Variants in PRKG1 observed in about 807,000 individuals in gnomAD.
PRKG1 encodes cGMP-dependent protein kinase 1.
In PRKG1, 35 loss-of-function variants were observed where a neutral mutation model predicts 88.1. The ratio of observed to expected loss-of-function variants is 0.40; its 90% confidence interval spans 0.30 to 0.53. The LOEUF is 0.53. Ranked by LOEUF, PRKG1 falls within the 20% of genes least tolerant of loss-of-function variation. The pLI is 0.59. For synonymous variants in PRKG1, 303 were observed against 292.5 expected, an observed-to-expected ratio of 1.04 and a Z score of -0.37; for missense variants, 540 against 839.8, an observed-to-expected ratio of 0.64 and a Z score of 4.41.
At chr10:52,166,185 G>A (rs2132697225) in intron 9 of PRKG1, among the ~76,000 whole-genome samples, 1 of 152,108 alleles carries the variant, frequency 6.6e-6, no homozygotes, top group South Asian at 2.1e-4. Context: ...CAGGTGTGGT[G>A]AGAGGTACAT....
At chr10:51,854,508 A>C (rs530961304) in intron 4 of PRKG1, among the ~76,000 whole-genome samples, 1 of 152,298 alleles carries the variant, frequency 6.6e-6, no homozygotes, top group Admixed American at 6.5e-5. Flanking sequence ...GGTAACATAA[A>C]TTATGTACTG....
At chr10:51,619,464 T>G (rs1839152316) in intron 3 of PRKG1, among the ~76,000 whole-genome samples, 1 of 152,122 alleles carries the variant, frequency 6.6e-6, no homozygotes. Flanking sequence ...GTTTTGAAGG[T>G]TCTCTGCCAA....
chr10:51,299,454 C>T, intron 2 of PRKG1: 1 of 439,162 alleles, frequency 2.3e-6, no homozygotes, highest in South Asian at 1.6e-5. Context: ...GATCCACCCA[C>T]CTCGGCCTCC....
At chr10:51,051,474 TC>T (rs1434874207) in intron 1 of PRKG1, among the ~76,000 whole-genome samples, 3 of 152,118 alleles carry the variant, frequency 2.0e-5, no homozygotes, top group Admixed American at 6.5e-5. Context: ...ACCCATTACT[TC>T]ATTTATCAAT....
intron 4 of PRKG1, among the ~76,000 whole-genome samples, chr10:51,886,213 T>C (rs890221895): frequency 2.6e-5 from 4 of 152,114 alleles, no homozygotes; most frequent in African/African-American, 9.7e-5. Context: ...ACTTAATATG[T>C]ATTTTACAGC....
At chr10:51,225,181 G>A (rs1838658369) in intron 2 of PRKG1, among the ~76,000 whole-genome samples, 1 of 152,158 alleles carries the variant, frequency 6.6e-6, no homozygotes, top group East Asian at 1.9e-4. Flanking sequence ...TTAGTGTCTG[G>A]TGAAGGCCCC....
intron 5 of PRKG1, among the ~76,000 whole-genome samples, chr10:51,912,999 GC>G (rs1438333753): frequency 6.6e-6 from 1 of 152,136 alleles, no homozygotes; most frequent in Non-Finnish European, 1.5e-5. Flanking sequence ...TGCGATCTCA[GC>G]TCACTGCAAC....
At chr10:51,628,012 T>C (rs28649216) in intron 3 of PRKG1, among the ~76,000 whole-genome samples, 5,811 of 44,812 alleles carry the variant, frequency 0.13, 577 homozygotes, top group African/African-American at 0.27. Context: ...CTCTCTCTCT[T>C]TCTTTCTTTC....
chr10:51,610,975 G>T (rs1665793891), intron 3 of PRKG1, among the ~76,000 whole-genome samples: 1 of 151,854 alleles, frequency 6.6e-6, no homozygotes, highest in Non-Finnish European at 1.5e-5. Context: ...GGACTGATAG[G>T]TGCAGCAAAC....
At chr10:51,962,663 T>C (rs557274023) in intron 5 of PRKG1, among the ~76,000 whole-genome samples, 1 of 152,238 alleles carries the variant, frequency 6.6e-6, no homozygotes, top group African/African-American at 2.4e-5. Context: ...ATTTAACTAA[T>C]GTAATGTCTA....
At chr10:52,135,430 A>G (rs1282357079) in intron 8 of PRKG1, among the ~76,000 whole-genome samples, 1 of 152,094 alleles carries the variant, frequency 6.6e-6, no homozygotes, top group Non-Finnish European at 1.5e-5. Context: ...AGTTATCACT[A>G]TAACAATGGA....
intron 3 of PRKG1, among the ~76,000 whole-genome samples, chr10:51,521,190 A>T (rs1841727693): frequency 1.3e-5 from 2 of 152,140 alleles, no homozygotes; most frequent in Non-Finnish European, 2.9e-5. Context: ...AAGGAGGCCG[A>T]GGCAGGAGAA....
At chr10:52,132,520 C>T (rs1388626423) in intron 7 of PRKG1, among the ~76,000 whole-genome samples, 2 of 151,860 alleles carry the variant, frequency 1.3e-5, no homozygotes, top group African/African-American at 2.4e-5. Flanking sequence ...AAATAGAGTT[C>T]GGAAATATAT....
chr10:51,339,178 C>A (rs1841947858), intron 2 of PRKG1, among the ~76,000 whole-genome samples: 1 of 152,128 alleles, frequency 6.6e-6, no homozygotes, highest in Admixed American at 6.6e-5. Flanking sequence ...TTGACCTTCT[C>A]CTTTACTTAC....
intron 8 of PRKG1, among the ~76,000 whole-genome samples, chr10:52,136,296 A>G (rs908083673): frequency 6.6e-6 from 1 of 152,078 alleles, no homozygotes; most frequent in African/African-American, 2.4e-5. Flanking sequence ...AGGTTCTTGG[A>G]GAGCACATAT....
rs987199014 is a variant in PRKG1, at chr10:52,038,943, A to C, written c.763-15541A>C. Among the ~76,000 whole-genome samples, 60 of 152,184 alleles carry C rather than the reference A, an allele frequency of 3.9e-4. 1 individual carries two copies. The highest frequency in any genetic ancestry group is 3.2e-3 in the Middle Eastern group (1 of 316). The stretch of plus-strand genomic sequence containing the variant: ...GGGACAGTGAGAGAGGTTGGAGAAG[A>C]GAGTAAGAAGAGGCCGCTTACCTGA... On this transcript the variant is annotated intron_variant, in intron 5 of 17. Coordinates refer to ENST00000373980, the MANE Select transcript of PRKG1 (RefSeq NM_006258.4).
At chr10:51,537,346 T>A (rs1842182031) in intron 3 of PRKG1, among the ~76,000 whole-genome samples, 1 of 152,190 alleles carries the variant, frequency 6.6e-6, no homozygotes. Context: ...AGTTCTTAAC[T>A]TACATACCTA....
At chr10:51,784,074 G>C (rs1329975604) in intron 3 of PRKG1, among the ~76,000 whole-genome samples, 1 of 151,978 alleles carries the variant, frequency 6.6e-6, no homozygotes, top group African/African-American at 2.4e-5. Flanking sequence ...CCTTGTGAAA[G>C]GCCTTCCTTT....
chr10:51,570,796 G>A (rs1263659241), intron 3 of PRKG1, among the ~76,000 whole-genome samples: 1 of 151,742 alleles, frequency 6.6e-6, no homozygotes, highest in Non-Finnish European at 1.5e-5. Flanking sequence ...CAAAAGAAAT[G>A]AGATCACTTC....
Sources: gnomAD v4.1 joint callset for allele counts (sites outside exome capture counted in the v4.1 genomes callset) on GRCh38, gnomAD v4.1.1 for gene constraint, MANE v1.5 for transcripts, NCBI Gene and HGNC (gene_info 2026-07-23, HGNC 2026-07-21) for gene names.